The following ADAMTSL2 variants were observed in gnomAD, a reference collection of about 807,000 sequenced individuals.
ADAMTSL2 encodes the protein ADAMTS like 2, also known as ADAMTS-like protein 2.
ADAMTSL2 carries 55 observed loss-of-function variants against 117.0 expected under a neutral mutation model. The observed-to-expected ratio is 0.47, with a 90% CI of 0.38 to 0.59. ADAMTSL2 has a LOEUF of 0.59. ADAMTSL2 is among the 20% of genes least tolerant of loss of function. The pLI, the probability that ADAMTSL2 is intolerant of heterozygous loss-of-function variation, is 0.00. For synonymous variants in ADAMTSL2, 572 were observed against 566.4 expected (o/e 1.01, Z -0.14); for missense variants, 1,182 against 1,354.5 (o/e 0.87, Z 2.00).
intron 3 of ADAMTSL2, 72 bp downstream of exon 3, chr9:133,537,619 C>G: frequency 1.5e-6 from 2 of 1,290,674 alleles, no homozygotes; most frequent in Non-Finnish European, 2.0e-6. Flanking sequence ...GGGCGGTTGG[C>G]TCTTCAGCCT....
intron 18 of ADAMTSL2, 120 bp downstream of exon 18, chr9:133,574,107 G>A: frequency 7.4e-7 from 1 of 1,353,232 alleles, no homozygotes; most frequent in Non-Finnish European, 1.0e-6. Context: ...GAACCAGCTT[G>A]AGAGACCAAG....
At chr9:133,548,725 A>G (rs1830413538) in intron 9 of ADAMTSL2, among the ~76,000 whole-genome samples, 2 of 152,096 alleles carry the variant, frequency 1.3e-5, no homozygotes, top group Non-Finnish European at 2.9e-5. Flanking sequence ...GGGGAGAGAC[A>G]GCTCCCCCTG....
In ADAMTSL2 at chr9:133,558,769, G is replaced by A. The variant is rs1290087989; in HGVS notation, c.1650-2429G>A. ...GACTTCCTTCCAGATGGAGGAGAGC[G>A]ACGGTTTGGTGCTTCAGCGATTTCC... On this transcript the variant is annotated intron_variant, in intron 11 of 18. Transcript: ENST00000651351. The surrounding 1 kb of genome is among the most constrained non-coding windows in gnomAD (Gnocchi z 4.3). Among the ~76,000 whole-genome samples, 2 of 152,228 alleles carry A rather than the reference G, an allele frequency of 1.3e-5. No homozygotes were observed. The highest frequency in any genetic ancestry group is 4.8e-5 in the African/African-American group (2 of 41,462).
chr9:133,563,172 C>T (rs999002714), intron 12 of ADAMTSL2, among the ~76,000 whole-genome samples: 1 of 152,392 alleles, frequency 6.6e-6, no homozygotes, highest in South Asian at 2.1e-4. Context: ...AAGGAATAGC[C>T]TCTCATGGTC....
chr9:133,553,256 A>G (rs1378211985), intron 9 of ADAMTSL2, among the ~76,000 whole-genome samples: 8 of 152,104 alleles, frequency 5.3e-5, no homozygotes, highest in Admixed American at 5.2e-4. Context: ...CCGAGTCTCA[A>G]GGTCCCCCTC....
chr9:133,547,407 ACTCC>A (rs1830377525), intron 9 of ADAMTSL2, among the ~76,000 whole-genome samples, 194 bp downstream of exon 9: 1 of 150,510 alleles, frequency 6.6e-6, no homozygotes, highest in Admixed American at 6.6e-5. Flanking sequence ...TCTTTCACTA[ACTCC>A]CTCCCCCATT....
intron 13 of ADAMTSL2, 151 bp from the exon 14 acceptor site, chr9:133,568,122 G>C: frequency 1.2e-6 from 1 of 829,102 alleles, no homozygotes; most frequent in Non-Finnish European, 1.9e-6. Flanking sequence ...CTTGAGCCTC[G>C]ACACCCTCCT....
chr9:133,554,333 G>A lies in ADAMTSL2; in HGVS notation c.940-24G>A. On this transcript the variant is annotated intron_variant, in intron 9 of 18. Transcript: ENST00000651351. The surrounding 1 kb of genome is among the most constrained non-coding windows in gnomAD (Gnocchi z 5.2). ...GGGCTGGACAGAGTAAGGAGGGGCT[G>A]GGGACCCACTTCTCTTTCCCTAGGT... 6.5e-7 allele frequency: 1 copy of A among 1,531,378 alleles called. No individual in the cohort carries two copies. The highest frequency in any genetic ancestry group is 8.8e-7 in the Non-Finnish European group (1 of 1,141,190). The allele number at this position is 1,531,378 out of a possible 1,614,324, so 94.9% of individuals were successfully genotyped here.
At chr9:133,564,315 A>G (rs1370260363) in intron 12 of ADAMTSL2, among the ~76,000 whole-genome samples, 2 of 41,674 alleles carry the variant, frequency 4.8e-5, no homozygotes, top group Non-Finnish European at 4.8e-5. Context: ...AGAGAGAGAA[A>G]GAGAGAGGGA....
Position 133,540,719 on chromosome 9 carries a change from G to C in ADAMTSL2, c.534G>C (p.Gly178=), listed in dbSNP as rs1315160339. Residue 178 remains glycine (G), a synonymous_variant, in exon 6 of 19, where the codon GGG becomes GGC. Transcript: ENST00000651351. The part of the protein sequence containing the change: ...GTSCKLTDLR[G]VCVSGKCEPI... ...CCTGCAAGCTCACTGACCTGCGAGGGGTTTGCGTGTCTGGAAAATGTGAGG... is the reference window on the plus strand; with the variant it reads ...CCTGCAAGCTCACTGACCTGCGAGGCGTTTGCGTGTCTGGAAAATGTGAGG... The C allele has an allele frequency of 6.2e-6, 10 of 1,613,796 alleles. No homozygotes were observed. The highest frequency in any genetic ancestry group is 5.0e-5 in the Admixed American group (3 of 60,008).
Position 133,568,699 on chromosome 9 carries a change from G to C in ADAMTSL2, c.2185G>C (p.Glu729Gln). The C allele has an allele frequency of 6.2e-7, 1 of 1,613,422 alleles. No individual in the cohort carries two copies. The change falls in exon 15 of 19, where the codon GAG becomes CAG. Residue 729 changes from glutamate (E) to glutamine (Q), a missense_variant. By Grantham distance (29) the Glu-to-Gln change is conservative. Coordinates refer to ENST00000651351, the MANE Select transcript of ADAMTSL2 (RefSeq NM_014694.4). ...LCDPNTRPVG[E>Q]KNCTGPPCDR... ...TGACCCCAACACCAGGCCTGTAGGG[G>C]AGAAGAACTGCACGGGCCCGCCCTG... is the stretch of plus-strand genomic sequence containing the variant.
chr9:133,551,809 C>A (rs1409170416), intron 9 of ADAMTSL2, among the ~76,000 whole-genome samples: 1 of 144,146 alleles, frequency 6.9e-6, no homozygotes, highest in Non-Finnish European at 1.5e-5. Context: ...CCCAAAGCAG[C>A]AGCTTTTTTT....
rs936095569 is a variant in ADAMTSL2, at chr9:133,574,807, C to A, written c.2799C>A (p.Cys933Ter). The change falls in exon 19 of 19, where the codon TGC becomes TGA. Residue 933 changes from cysteine to a stop codon, truncating the protein, a stop_gained. Transcript: ENST00000651351. LOFTEE classifies it high-confidence loss of function. Reference sequence around the variant, plus strand: ...CCCTGGCCATCAAAGTGAACCTCTGCGGGCACTGGTACTACAGCAAGGCGT... The same window carrying A: ...CCCTGGCCATCAAAGTGAACCTCTGAGGGCACTGGTACTACAGCAAGGCGT... ...NCALAIKVNL[C>*]GHWYYSKACC... The A allele has an allele frequency of 6.2e-7, 1 of 1,613,718 alleles. No homozygotes were observed. The highest frequency in any genetic ancestry group is 8.5e-7 in the Non-Finnish European group (1 of 1,179,994).
upstream of ADAMTSL2, chr9:133,534,599 C>A: frequency 8.1e-7 from 1 of 1,239,630 alleles, no homozygotes; most frequent in Non-Finnish European, 1.0e-6. Context: ...TTAAAGTGTG[C>A]GCCAGGCCGG....
chr9:133,566,933 C>CCTGTCCCCAACCCA lies in ADAMTSL2; in HGVS notation c.1748-3_1748-2insCTGTCCCCAACCCA. 1 of 1,605,954 alleles carries CCTGTCCCCAACCCA rather than the reference C, an allele frequency of 6.2e-7. No individual in the cohort carries two copies. Among genetic ancestry groups the CCTGTCCCCAACCCA allele is most frequent in the Non-Finnish European group, 8.5e-7 (1 of 1,176,864 alleles). On this transcript the variant is annotated splice_region_variant and splice_polypyrimidine_tract_variant and intron_variant, in intron 12 of 18. Transcript: ENST00000651351. Reference sequence around the variant, plus strand: ...CACAGACCCACCCCTGTCCCCAACCCAGGGGTCATGTCTGCGTACGCCATG... The same window carrying CCTGTCCCCAACCCA: ...CACAGACCCACCCCTGTCCCCAACCCCTGTCCCCAACCCAAGGGGTCATGTCTGCGTACGCCATG...
At chr9:133,539,908 G>A (rs1830169199) in intron 5 of ADAMTSL2, 35 bp downstream of exon 5, 1 of 1,543,430 alleles carries the variant, frequency 6.5e-7, no homozygotes, top group East Asian at 2.4e-5. Context: ...CTTGCAGGGA[G>A]CTGACTGAGC....
chr9:133,569,976 C>T (rs891814899), intron 16 of ADAMTSL2, among the ~76,000 whole-genome samples: 2 of 152,226 alleles, frequency 1.3e-5, no homozygotes, highest in Non-Finnish European at 2.9e-5. Context: ...CCATTTCAGA[C>T]GAGTTGCTCT....
chr9:133,534,442 C>T, upstream of ADAMTSL2: 1 of 312,390 alleles, frequency 3.2e-6, no homozygotes. Context: ...AGGCCAGCGG[C>T]TGCTCCGTCT....
At chr9:133,544,391 A>G in intron 7 of ADAMTSL2, 79 bp from the exon 8 acceptor site, 2 of 1,176,872 alleles carry the variant, frequency 1.7e-6, no homozygotes, top group Non-Finnish European at 2.6e-6. Context: ...TCACCCTCCA[A>G]TAGCTGTGGA....
Sources: gnomAD v4.1 joint callset for allele counts (sites outside exome capture counted in the v4.1 genomes callset) on GRCh38, gnomAD v4.1.1 for gene constraint, Gnocchi (gnomAD v3.1) non-coding constraint, MANE v1.5 for transcripts, NCBI Gene and HGNC (gene_info 2026-07-23, HGNC 2026-07-21) for gene names.